IMMP2L: variants seen among roughly 807,000 people sequenced by gnomAD.
The protein encoded by IMMP2L is mitochondrial inner membrane protease subunit 2.
Under a neutral mutation model 19.3 loss-of-function variants are expected in IMMP2L, and 18 were observed. The ratio of observed to expected loss-of-function variants is 0.93; its 90% confidence interval spans 0.64 to 1.38. IMMP2L has a LOEUF of 1.38. Ranked by LOEUF, IMMP2L falls within the 40% of genes most tolerant of loss-of-function variation. IMMP2L has a pLI of 0.00. For missense variants in IMMP2L, 233 were observed against 218.2 expected, an observed-to-expected ratio of 1.07 and a Z score of -0.43; for synonymous variants, 76 against 73.0, an observed-to-expected ratio of 1.04 and a Z score of -0.21.
At chr7:111,542,926 CAT>C (rs1414488613) in intron 1 of IMMP2L, among the ~76,000 whole-genome samples, 1 of 152,194 alleles carries the variant, frequency 6.6e-6, no homozygotes, top group Admixed American at 6.5e-5. Flanking sequence ...ACAAAAGAAA[CAT>C]AAAATATATG....
chr7:111,132,373 C>A (rs116095090), intron 3 of IMMP2L, among the ~76,000 whole-genome samples: 1 of 151,998 alleles, frequency 6.6e-6, no homozygotes, highest in Non-Finnish European at 1.5e-5. Context: ...TTATGTTTAA[C>A]CTGCTTGCCA....
At chr7:111,034,316 A>T (rs1791124146) in intron 3 of IMMP2L, among the ~76,000 whole-genome samples, 1 of 152,244 alleles carries the variant, frequency 6.6e-6, no homozygotes, top group Non-Finnish European at 1.5e-5. Flanking sequence ...CATGTACACA[A>T]TCAGTGTAAT....
chr7:110,749,828 C>T (rs1419114211), intron 5 of IMMP2L, among the ~76,000 whole-genome samples: 3 of 151,972 alleles, frequency 2.0e-5, no homozygotes, highest in African/African-American at 7.2e-5. Flanking sequence ...GCAAACCACC[C>T]TGGCACATGT....
chr7:110,940,288 C>T (rs952761409), intron 4 of IMMP2L, among the ~76,000 whole-genome samples: 2 of 148,552 alleles, frequency 1.3e-5, no homozygotes, highest in Non-Finnish European at 3.0e-5. Flanking sequence ...CACTGCACTC[C>T]AGCCTGGGCA....
At position 111,228,966 on chromosome 7, in the gene IMMP2L, CGTGTGTGTGTGT is replaced by C. The variant is rs10530563; in HGVS notation, c.239+258260_239+258271del. On this transcript the variant is annotated intron_variant, in intron 3 of 5. Coordinates refer to ENST00000405709, the MANE Select transcript of IMMP2L (RefSeq NM_032549.4). ...GGTAATTCAATAAACACTAGCAATGCGTGTGTGTGTGTGTGTGTGTGTGTGTGTGTGTGTGTG... is the reference window on the plus strand; with the variant it reads ...GGTAATTCAATAAACACTAGCAATGCGTGTGTGTGTGTGTGTGTGTGTGTG... Among the ~76,000 whole-genome samples the C allele has an allele frequency of 2.4e-3, 344 of 144,048 alleles. 2 individuals carry two copies. Among genetic ancestry groups the C allele is most frequent in the African/African-American group, 7.6e-3 (299 of 39,196 alleles). The allele number at this position is 144,048 out of a possible 152,430, so 94.5% of individuals were successfully genotyped here.
intron 3 of IMMP2L, among the ~76,000 whole-genome samples, chr7:111,190,936 A>C (rs1808794244): frequency 6.6e-6 from 1 of 152,138 alleles, no homozygotes; most frequent in Admixed American, 6.6e-5. Flanking sequence ...GTATATGTCA[A>C]ACACCCAATA....
chr7:111,486,515 C>G (rs140084799), intron 3 of IMMP2L, among the ~76,000 whole-genome samples: 1 of 152,270 alleles, frequency 6.6e-6, no homozygotes, highest in African/African-American at 2.4e-5. Context: ...CATACTACAA[C>G]ATTTTTATAA....
intron 4 of IMMP2L, among the ~76,000 whole-genome samples, chr7:110,905,659 G>A (rs1812372892): frequency 6.6e-6 from 1 of 152,152 alleles, no homozygotes; most frequent in Admixed American, 6.5e-5. Flanking sequence ...GTACATCGTA[G>A]GTTAATATTA....
chr7:111,463,311 G>C, intron 3 of IMMP2L, among the ~76,000 whole-genome samples: 1 of 151,894 alleles, frequency 6.6e-6, no homozygotes, highest in Non-Finnish European at 1.5e-5. Flanking sequence ...CAACTTTTCT[G>C]GGGGGGATCC....
chr7:111,043,169 C>A (rs113537454), intron 3 of IMMP2L, among the ~76,000 whole-genome samples: 1 of 152,106 alleles, frequency 6.6e-6, no homozygotes, highest in Non-Finnish European at 1.5e-5. Flanking sequence ...AAAGACAATC[C>A]GTTATATCCT....
At chr7:110,905,453 A>G (rs772269014) in intron 4 of IMMP2L, among the ~76,000 whole-genome samples, 1 of 149,552 alleles carries the variant, frequency 6.7e-6, no homozygotes, top group Admixed American at 6.7e-5. Flanking sequence ...TTTTTGTTAC[A>G]TTTTTTTTTT....
rs76390759 is a variant in IMMP2L, at chr7:111,084,986, C to T, written c.240-121421G>A. ...GGAAATATTGCTAGATATTGTTTCACATCGCTAGAAAAGGAGTAAAAGTCA... is the reference window on the plus strand; with the variant it reads ...GGAAATATTGCTAGATATTGTTTCATATCGCTAGAAAAGGAGTAAAAGTCA... On this transcript the variant is annotated intron_variant, in intron 3 of 5. Transcript: ENST00000405709. 4.6e-3 allele frequency among the ~76,000 whole-genome samples: 695 copies of T among 152,254 alleles called. 4 individuals carry two copies. The highest frequency in any genetic ancestry group is 0.016 in the African/African-American group (666 of 41,548).
At chr7:111,500,284 G>C (rs780508273) in intron 2 of IMMP2L, among the ~76,000 whole-genome samples, 2 of 152,160 alleles carry the variant, frequency 1.3e-5, no homozygotes, top group Non-Finnish European at 2.9e-5. Flanking sequence ...GCCGAGGCTC[G>C]ATTAGGTAAA....
At chr7:110,722,446 G>C (rs1795632588) in intron 5 of IMMP2L, among the ~76,000 whole-genome samples, 1 of 152,006 alleles carries the variant, frequency 6.6e-6, no homozygotes, top group Non-Finnish European at 1.5e-5. Flanking sequence ...AAGAGACAAA[G>C]TCAGGATTCA....
In IMMP2L at chr7:110,663,125, TACAA is replaced by T. The variant is rs1791195307; in HGVS notation, c.*473_*476del. On this transcript the variant is annotated 3_prime_UTR_variant, in exon 6 of 6. Coordinates refer to ENST00000405709, the MANE Select transcript of IMMP2L (RefSeq NM_032549.4). ...CTGGCAGTTACTCCTTTGTAGATAG[TACAA>T]ATCACAATGTAATTCCCATCATTAT... 1 of 163,526 alleles carries T rather than the reference TACAA, an allele frequency of 6.1e-6. No individual in the cohort carries two copies. The highest frequency in any genetic ancestry group is 1.3e-5 in the Non-Finnish European group (1 of 75,156). 10.1% of individuals were successfully genotyped at this position (163,526 alleles called of 1,614,324 possible).
In IMMP2L at chr7:111,055,396, C is replaced by G. The variant is rs186415814; in HGVS notation, c.240-91831G>C. On this transcript the variant is annotated intron_variant, in intron 3 of 5. Coordinates refer to ENST00000405709, the MANE Select transcript of IMMP2L (RefSeq NM_032549.4). ...ACACCTGGCACACTGATGCAGGAAG[C>G]CTGCACCTCAGAAGGCAGAGCTCTC... Among the ~76,000 whole-genome samples the G allele has an allele frequency of 2.6e-5, 4 of 152,290 alleles. No individual in the cohort carries two copies. In the East Asian group the frequency reaches 7.7e-4, roughly 29 times the overall value.
Position 111,020,594 on chromosome 7 carries a change from T to G in IMMP2L, c.240-57029A>C, listed in dbSNP as rs80310727. Among the ~76,000 whole-genome samples, 91 of 152,110 alleles carry G rather than the reference T, an allele frequency of 6.0e-4. 1 individual carries two copies. Among genetic ancestry groups the G allele is most frequent in the African/African-American group, 2.1e-3 (86 of 41,500 alleles). ...CTGGGCAAAATGGTAAAACACTGTC[T>G]CCACCAAAAACACAAAATTTAGCAG... On this transcript the variant is annotated intron_variant, in intron 3 of 5. Transcript: ENST00000405709.
intron 3 of IMMP2L, chr7:111,483,343 C>G (rs1242890923): frequency 6.6e-6 from 1 of 152,080 alleles, no homozygotes; most frequent in Non-Finnish European, 1.5e-5. Flanking sequence ...GGAAGGCCAT[C>G]ACACAGGTTA....
chr7:111,398,300 C>T lies in IMMP2L; in HGVS notation c.239+88938G>A, dbSNP rs187702547. On this transcript the variant is annotated intron_variant, in intron 3 of 5. Transcript: ENST00000405709. ...CACCATGATCAAGTGGGTTTCATAC[C>T]AGGGATGCAGGAGTAGTTTAACATA... 3.6e-4 allele frequency among the ~76,000 whole-genome samples: 55 copies of T among 152,118 alleles called. No homozygotes were observed. The East Asian group carries it at 0.01, about 28-fold the overall frequency.
Sources: gnomAD v4.1 joint callset for allele counts (sites outside exome capture counted in the v4.1 genomes callset) on GRCh38, gnomAD v4.1.1 for gene constraint, MANE v1.5 for transcripts, NCBI Gene and HGNC (gene_info 2026-07-23, HGNC 2026-07-21) for gene names.